The following CAMKMT variants were observed in gnomAD, a reference collection of about 807,000 sequenced individuals.
CAMKMT encodes calmodulin-lysine N-methyltransferase.
A neutral mutation model predicts 48.0 loss-of-function variants in CAMKMT; 53 were observed. The ratio of observed to expected loss-of-function variants is 1.10; its 90% CI spans 0.89 to 1.39. CAMKMT has a LOEUF of 1.39. Among genes scored for constraint, CAMKMT ranks in the 40% most tolerant of loss-of-function variants. CAMKMT has a pLI of 0.00. For synonymous variants in CAMKMT, 165 were observed against 152.3 expected (o/e 1.08, Z -0.61); for missense variants, 428 against 402.7 (o/e 1.06, Z -0.54).
At chr2:44,366,391 T>A (rs568182676) in intron 1 of CAMKMT, among the ~76,000 whole-genome samples, 1 of 152,340 alleles carries the variant, frequency 6.6e-6, no homozygotes, top group East Asian at 1.9e-4. Flanking sequence ...TTAGATTGTT[T>A]TGGAATGTAT....
chr2:44,666,612 C>CTTTTTTTT (rs1293884982), intron 3 of CAMKMT, among the ~76,000 whole-genome samples: 5 of 133,972 alleles, frequency 3.7e-5, no homozygotes, highest in African/African-American at 1.2e-4. Flanking sequence ...CTCCTGGAAT[C>CTTTTTTTT]TTTTTTTTTT....
chr2:44,706,841 A>G (rs1677592640), intron 5 of CAMKMT, among the ~76,000 whole-genome samples: 1 of 152,118 alleles, frequency 6.6e-6, no homozygotes, highest in Non-Finnish European at 1.5e-5. Context: ...AGGAGATATT[A>G]TGTAGCAGCA....
At chr2:44,581,861 T>G (rs1669585059) in intron 3 of CAMKMT, among the ~76,000 whole-genome samples, 1 of 152,172 alleles carries the variant, frequency 6.6e-6, no homozygotes, top group Non-Finnish European at 1.5e-5. Flanking sequence ...TAGCCAGGCG[T>G]GGTGCCGCGC....
At chr2:44,486,635 T>C (rs1669231447) in intron 3 of CAMKMT, among the ~76,000 whole-genome samples, 1 of 152,236 alleles carries the variant, frequency 6.6e-6, no homozygotes, top group South Asian at 2.1e-4. Context: ...TGAACCTGAA[T>C]GTTGTTAAAG....
At chr2:44,654,255 G>T (rs1011449820) in intron 3 of CAMKMT, among the ~76,000 whole-genome samples, 1 of 152,018 alleles carries the variant, frequency 6.6e-6, no homozygotes, top group African/African-American at 2.4e-5. Context: ...AATTTACATA[G>T]AATTTAGGTT....
chr2:44,657,249 G>A lies in CAMKMT; in HGVS notation c.377-47034G>A, dbSNP rs1674428677. Reference sequence around the variant, plus strand: ...ATTCAGATAACTTCTTCAATTTGAGGTTCCTGGTACATTAAAGAACTAAAG... The same window carrying A: ...ATTCAGATAACTTCTTCAATTTGAGATTCCTGGTACATTAAAGAACTAAAG... On this transcript the variant is annotated intron_variant, in intron 3 of 10. Coordinates refer to ENST00000378494, the MANE Select transcript of CAMKMT (RefSeq NM_024766.5). This position sits in a 1 kb window ranked among gnomAD's most constrained non-coding sequence, Gnocchi z 4.3. Among the ~76,000 whole-genome samples, 1 of 152,196 alleles carries A rather than the reference G, an allele frequency of 6.6e-6. No individual in the cohort carries two copies. Among genetic ancestry groups the A allele is most frequent in the Admixed American group, 6.5e-5 (1 of 15,280 alleles).
At chr2:44,553,006 A>G (rs1285258951) in intron 3 of CAMKMT, among the ~76,000 whole-genome samples, 1 of 152,244 alleles carries the variant, frequency 6.6e-6, no homozygotes, top group Non-Finnish European at 1.5e-5. Flanking sequence ...ATAAGGCGAA[A>G]GGAGGCTTAG....
In CAMKMT at chr2:44,544,701, C is replaced by T. The variant is rs147351892; in HGVS notation, c.376+154396C>T. Among the ~76,000 whole-genome samples the T allele has an allele frequency of 1.6e-3, 240 of 152,320 alleles. 2 individuals carry two copies. Among genetic ancestry groups the T allele is most frequent in the African/African-American group, 5.3e-3 (220 of 41,578 alleles). ...TTTAATTTTAGATCAGCCAAGTAAT[C>T]TGTAGCACCTGTTCATTTTCTCTCA... On this transcript the variant is annotated intron_variant, in intron 3 of 10. Transcript: ENST00000378494.
intron 3 of CAMKMT, among the ~76,000 whole-genome samples, chr2:44,405,768 A>G (rs1682735276): frequency 6.6e-6 from 1 of 152,184 alleles, no homozygotes; most frequent in Admixed American, 6.5e-5. Context: ...ATGATGAATT[A>G]GATCATAATT....
At chr2:44,627,190 A>G (rs923296916) in intron 3 of CAMKMT, among the ~76,000 whole-genome samples, 2 of 152,144 alleles carry the variant, frequency 1.3e-5, no homozygotes, top group African/African-American at 4.8e-5. Context: ...TGTTAATTCA[A>G]CCTTACAGAA....
At chr2:44,727,649 A>G (rs150677605) in intron 7 of CAMKMT, among the ~76,000 whole-genome samples, 1 of 152,284 alleles carries the variant, frequency 6.6e-6, no homozygotes, top group Non-Finnish European at 1.5e-5. Flanking sequence ...ACTATATTGA[A>G]TAGGAGTGGT....
intron 3 of CAMKMT, among the ~76,000 whole-genome samples, chr2:44,496,521 T>C (rs1199689560): frequency 6.6e-6 from 1 of 152,222 alleles, no homozygotes; most frequent in African/African-American, 2.4e-5. Context: ...GAGCCCATCC[T>C]TGTAGGTGAC....
At chr2:44,383,547 C>A (rs1680474914) in intron 2 of CAMKMT, among the ~76,000 whole-genome samples, 1 of 151,954 alleles carries the variant, frequency 6.6e-6, no homozygotes, top group Non-Finnish European at 1.5e-5. Context: ...TAAGTAAGTT[C>A]TTTTGTGGTG....
Position 44,592,907 on chromosome 2 carries a change from G to A in CAMKMT, c.377-111376G>A, listed in dbSNP as rs139160639. Among the ~76,000 whole-genome samples, 3 of 152,256 alleles carry A rather than the reference G, an allele frequency of 2.0e-5. No homozygotes were observed. The East Asian group carries it at 5.8e-4, about 29-fold the overall frequency. ...TGTATTCAGCTCTATTGGGTGGTGT[G>A]TTCTATAAATGTCAATTAAGTTGGT... On this transcript the variant is annotated intron_variant, in intron 3 of 10. Coordinates refer to ENST00000378494, the MANE Select transcript of CAMKMT (RefSeq NM_024766.5).
chr2:44,701,379 CTT>C (rs1467824701), intron 3 of CAMKMT, among the ~76,000 whole-genome samples: 1 of 152,112 alleles, frequency 6.6e-6, no homozygotes, highest in Non-Finnish European at 1.5e-5. Context: ...ACTGAGATAA[CTT>C]TTAAAAACTT....
chr2:44,667,151 A>G (rs1675031833), intron 3 of CAMKMT, among the ~76,000 whole-genome samples: 1 of 152,204 alleles, frequency 6.6e-6, no homozygotes, highest in African/African-American at 2.4e-5. Flanking sequence ...AGAGCCTCCA[A>G]TTCAGACCAC....
intron 3 of CAMKMT, among the ~76,000 whole-genome samples, chr2:44,397,417 A>C (rs897180186): frequency 1.3e-5 from 2 of 152,204 alleles, no homozygotes; most frequent in African/African-American, 4.8e-5. Flanking sequence ...GCAGCATGGC[A>C]GTGGATTCTT....
At chr2:44,740,052 T>A (rs1679584480) in intron 7 of CAMKMT, among the ~76,000 whole-genome samples, 1 of 151,684 alleles carries the variant, frequency 6.6e-6, no homozygotes, top group South Asian at 2.1e-4. Context: ...AGGCAGAATG[T>A]GTAGATGCAG....
chr2:44,470,655 A>G (rs1339431569), intron 3 of CAMKMT, among the ~76,000 whole-genome samples: 1 of 152,192 alleles, frequency 6.6e-6, no homozygotes, highest in Non-Finnish European at 1.5e-5. Flanking sequence ...CTATACATTA[A>G]TAAAATGATA....
Sources: gnomAD v4.1 joint callset for allele counts (sites outside exome capture counted in the v4.1 genomes callset) on GRCh38, gnomAD v4.1.1 for gene constraint, Gnocchi (gnomAD v3.1) non-coding constraint, MANE v1.5 for transcripts, NCBI Gene and HGNC (gene_info 2026-07-23, HGNC 2026-07-21) for gene names.